The following ZNF654 variants were observed in gnomAD, a reference collection of about 807,000 sequenced individuals.
ZNF654 encodes the protein melanoma-associated antigen.
ZNF654 carries 19 observed loss-of-function variants against 95.3 expected under a neutral mutation model. That is an observed-to-expected ratio of 0.20 (90% CI 0.14 to 0.29). The LOEUF is 0.29. Among genes scored for constraint, ZNF654 ranks in the 10% least tolerant of loss-of-function variants. The pLI is 1.00. For synonymous variants in ZNF654, 413 were observed against 457.9 expected, an observed-to-expected ratio of 0.90 and a Z score of 1.25; for missense variants, 1,046 against 1,341.0, an observed-to-expected ratio of 0.78 and a Z score of 3.44.
rs1164275792 is a variant in ZNF654, at chr3:88,139,976, C to G, written c.2307C>G (p.Thr769=). The change falls in exon 8 of 9, where the codon ACC becomes ACG. Residue 769 remains threonine, a synonymous_variant. Transcript: ENST00000636215. ...RIGFLNKHAM[T]VHPTDLNVRQ... is the part of the protein sequence containing the mutation. The stretch of plus-strand genomic sequence containing the variant: ...GGTTTCTAAATAAACATGCAATGAC[C>G]GTACATCCAACCGATTTAAATGTGC... 14 of 1,613,540 alleles carry G rather than the reference C, an allele frequency of 8.7e-6. No homozygotes were observed. The highest frequency in any genetic ancestry group is 1.2e-5 in the Non-Finnish European group (14 of 1,179,788).
intron 5 of ZNF654, 75 bp downstream of exon 5, chr3:88,129,086 A>T: frequency 1.9e-6 from 2 of 1,076,726 alleles, no homozygotes; most frequent in Non-Finnish European, 2.6e-6. Flanking sequence ...AAAGTAGCCC[A>T]CTGTTGTTGT....
chr3:88,078,720 T>G (rs897694817), intron 1 of ZNF654, among the ~76,000 whole-genome samples: 2 of 152,146 alleles, frequency 1.3e-5, no homozygotes, highest in African/African-American at 4.8e-5. Context: ...ATATGAGAGA[T>G]ATGACAGACT....
chr3:88,105,695 A>AT lies in ZNF654; in HGVS notation c.333-7412dup, dbSNP rs573422927. ...CACAATTTATTCTGTCAATCTTCTG[A>AT]TTTTTTTTGACTAAACTAATAAATG... On this transcript the variant is annotated intron_variant, in intron 2 of 8. Coordinates refer to ENST00000636215, the MANE Select transcript of ZNF654 (RefSeq NM_001350134.2). Among the ~76,000 whole-genome samples, 68 of 151,874 alleles carry AT rather than the reference A, an allele frequency of 4.5e-4. No individual in the cohort carries two copies. In the East Asian group the frequency reaches 9.9e-3, roughly 22 times the overall value.
At chr3:88,104,420 C>T (rs1289372416) in intron 2 of ZNF654, among the ~76,000 whole-genome samples, 2 of 152,214 alleles carry the variant, frequency 1.3e-5, no homozygotes, top group Middle Eastern at 3.4e-3. Context: ...AAGAAAGCAG[C>T]CATAAACACT....
At chr3:88,123,144 A>G (rs1397637013) in intron 3 of ZNF654, among the ~76,000 whole-genome samples, 2 of 152,148 alleles carry the variant, frequency 1.3e-5, no homozygotes, top group African/African-American at 4.8e-5. Flanking sequence ...ATTGAATATC[A>G]TCCAAAAAAG....
At chr3:88,129,106 T>C in intron 5 of ZNF654, 95 bp downstream of exon 5, 1 of 851,578 alleles carries the variant, frequency 1.2e-6, no homozygotes, top group East Asian at 2.7e-5. Flanking sequence ...TTAAATTCCT[T>C]TTACAGTAAT....
intron 1 of ZNF654, among the ~76,000 whole-genome samples, chr3:88,074,222 A>G (rs1441923924): frequency 6.6e-6 from 1 of 152,018 alleles, no homozygotes; most frequent in Non-Finnish European, 1.5e-5. Flanking sequence ...ATGTGCCCCT[A>G]TGATTTAGAG....
chr3:88,104,549 T>C (rs554461552), intron 2 of ZNF654, among the ~76,000 whole-genome samples: 9 of 152,236 alleles, frequency 5.9e-5, no homozygotes, highest in Admixed American at 1.3e-4. Flanking sequence ...GAAATATTAT[T>C]GGTTTGTAGC....
rs368756766 is a variant in ZNF654 at position 88,140,675 on chromosome 3, C to A, written c.3006C>A (p.Ile1002=). ...DPALKIDTNR[I]RTENGSILPS... is the part of the protein sequence containing the mutation. ...CTTTGAAAATTGATACAAACAGAAT[C>A]AGGACAGAAAATGGTTCCATTTTGC... The change falls in exon 8 of 9, where the codon ATC becomes ATA. Residue 1002 remains isoleucine (I), a synonymous_variant. Transcript: ENST00000636215. 1 of 1,613,708 alleles carries A rather than the reference C, an allele frequency of 6.2e-7. No individual in the cohort carries two copies. The highest frequency in any genetic ancestry group is 8.5e-7 in the Non-Finnish European group (1 of 1,179,732).
intron 7 of ZNF654, among the ~76,000 whole-genome samples, chr3:88,135,779 G>T (rs1413522062): frequency 6.6e-6 from 1 of 152,106 alleles, no homozygotes; most frequent in Non-Finnish European, 1.5e-5. Context: ...AGTGGATCCT[G>T]CAGATCTTTT....
chr3:88,109,142 AGTGTGTGTGTGTGTGTGTGTGTGT>A (rs35595112), intron 2 of ZNF654, among the ~76,000 whole-genome samples: 3 of 142,434 alleles, frequency 2.1e-5, no homozygotes, highest in South Asian at 2.4e-4. Context: ...AGTGGGCACT[AGTGTGTGTGTGTGTGTGTGTGTGT>A]GTGTGTGTGT....
At chr3:88,063,013 G>A (rs945267129) in intron 1 of ZNF654, among the ~76,000 whole-genome samples, 1 of 152,186 alleles carries the variant, frequency 6.6e-6, no homozygotes, top group Non-Finnish European at 1.5e-5. Context: ...TTAGAAAAGC[G>A]GAATGCTCCT....
chr3:88,122,468 G>A (rs1016208289), intron 3 of ZNF654, among the ~76,000 whole-genome samples: 29 of 152,278 alleles, frequency 1.9e-4, no homozygotes, highest in Admixed American at 5.9e-4. Context: ...TCTCTAAAAT[G>A]GCAACCAGTT....
chr3:88,097,166 A>G (rs922263293), intron 2 of ZNF654, among the ~76,000 whole-genome samples: 1 of 152,152 alleles, frequency 6.6e-6, no homozygotes, highest in African/African-American at 2.4e-5. Context: ...GGGTATTTGT[A>G]TATCTTAGAT....
chr3:88,129,321 TAAAA>T (rs11370327), intron 5 of ZNF654, among the ~76,000 whole-genome samples: 21 of 76,948 alleles, frequency 2.7e-4, no homozygotes, highest in Admixed American at 9.5e-4. Context: ...TTGCCAGGAG[TAAAA>T]AAAAAAAAAA....
intron 1 of ZNF654, among the ~76,000 whole-genome samples, chr3:88,079,905 A>G (rs560316002): frequency 1.8e-4 from 27 of 152,058 alleles, no homozygotes; most frequent in Non-Finnish European, 3.1e-4. Flanking sequence ...TTCTTTGCAG[A>G]TTTCACACAA....
At chr3:88,101,477 C>T (rs906836368) in intron 2 of ZNF654, among the ~76,000 whole-genome samples, 3 of 152,118 alleles carry the variant, frequency 2.0e-5, no homozygotes, top group Admixed American at 6.6e-5. Flanking sequence ...CTATTTTTCA[C>T]TTAGAATAAT....
chr3:88,114,860 C>A lies in ZNF654; in HGVS notation c.414+1664C>A, dbSNP rs1036318817. On this transcript the variant is annotated intron_variant, in intron 3 of 8. Transcript: ENST00000636215. ...CTTGTATTTTCCAAGCTTATGAATTCTCCAGGCTTTTGACTGACACTGATA... is the reference window on the plus strand; with the variant it reads ...CTTGTATTTTCCAAGCTTATGAATTATCCAGGCTTTTGACTGACACTGATA... 5.7e-4 allele frequency among the ~76,000 whole-genome samples: 86 copies of A among 152,184 alleles called. 3 individuals carry two copies. The highest frequency in any genetic ancestry group is 5.9e-5 in the Non-Finnish European group (4 of 68,030).
chr3:88,124,079 G>A (rs868690010), intron 3 of ZNF654, among the ~76,000 whole-genome samples: 1 of 152,074 alleles, frequency 6.6e-6, no homozygotes, highest in Non-Finnish European at 1.5e-5. Flanking sequence ...GAAATTTCAT[G>A]CCAAGGAAAC....
Sources: gnomAD v4.1 joint callset for allele counts (sites outside exome capture counted in the v4.1 genomes callset) on GRCh38, gnomAD v4.1.1 for gene constraint, MANE v1.5 for transcripts, NCBI Gene and HGNC (gene_info 2026-07-23, HGNC 2026-07-21) for gene names.